Variants in KCNAB1 observed in about 807,000 individuals in gnomAD.
KCNAB1 encodes the protein potassium voltage-gated channel subfamily A regulatory beta subunit 1.
In KCNAB1, 35 loss-of-function variants were observed where a neutral mutation model predicts 64.6. The ratio of observed to expected loss-of-function variants is 0.54; its 90% confidence interval spans 0.41 to 0.72. The LOEUF (loss-of-function observed/expected upper bound fraction) is 0.72. KCNAB1 is among the 30% of genes least tolerant of loss of function. The pLI, the probability that KCNAB1 is intolerant of heterozygous loss-of-function variation, is 0.00. For missense variants in KCNAB1, 401 were observed against 512.9 expected, an observed-to-expected ratio of 0.78 and a Z score of 2.11; for synonymous variants, 177 against 183.8, an observed-to-expected ratio of 0.96 and a Z score of 0.30.
intron 1 of KCNAB1, among the ~76,000 whole-genome samples, chr3:156,218,786 C>CA (rs1228783831): frequency 1.7e-3 from 161 of 92,610 alleles, no homozygotes; most frequent in Middle Eastern, 0.011. Flanking sequence ...CCCAGAACAG[C>CA]AAAAAAAAAA....
chr3:156,395,571 A>C (rs960833666), intron 1 of KCNAB1, among the ~76,000 whole-genome samples: 3 of 140,018 alleles, frequency 2.1e-5, no homozygotes, highest in Non-Finnish European at 4.6e-5. Flanking sequence ...AAAAAAAAAA[A>C]AAAAAAAAAA....
At chr3:156,195,654 T>G (rs1291422911) in intron 1 of KCNAB1, among the ~76,000 whole-genome samples, 1 of 152,226 alleles carries the variant, frequency 6.6e-6, no homozygotes, top group Admixed American at 6.5e-5. Context: ...TTCTTGTAAA[T>G]TTGTTTAAGT....
intron 6 of KCNAB1, 75 bp from the exon 7 acceptor site, chr3:156,465,568 A>C (rs2108302362): frequency 1.5e-6 from 2 of 1,365,158 alleles, no homozygotes; most frequent in Non-Finnish European, 2.1e-6. Context: ...CAAAATTAGC[A>C]ATTCAGACCA....
chr3:156,333,327 CACACACACACACACAT>C (rs1050488811), intron 1 of KCNAB1, among the ~76,000 whole-genome samples: 6 of 146,548 alleles, frequency 4.1e-5, no homozygotes, highest in African/African-American at 1.0e-4. Flanking sequence ...GAAACACACA[CACACACACACACACAT>C]ACACACACAC....
intron 1 of KCNAB1, among the ~76,000 whole-genome samples, chr3:156,395,288 G>A (rs1713345073): frequency 6.7e-6 from 1 of 149,866 alleles, no homozygotes; most frequent in Non-Finnish European, 1.5e-5. Flanking sequence ...GCTCACGCCT[G>A]TAATCCCAGC....
At chr3:156,503,490 C>A (rs189519925) in intron 8 of KCNAB1, among the ~76,000 whole-genome samples, 3 of 152,188 alleles carry the variant, frequency 2.0e-5, no homozygotes, top group African/African-American at 7.2e-5. Flanking sequence ...ATCCCATAGC[C>A]TCCCCTTGTA....
intron 2 of KCNAB1, among the ~76,000 whole-genome samples, chr3:156,435,602 C>A (rs1716534648): frequency 6.6e-6 from 1 of 152,178 alleles, no homozygotes; most frequent in Non-Finnish European, 1.5e-5. Flanking sequence ...TGAACCACAT[C>A]ATCTAGCCAC....
In KCNAB1 at chr3:156,523,957, T is replaced by C. The variant is rs1320312371; in HGVS notation, c.1081+10T>C. The C allele has an allele frequency of 2.5e-6, 4 of 1,613,208 alleles. No homozygotes were observed. In the South Asian group the frequency reaches 3.3e-5, roughly 13 times the overall value. ...CCTCAGCTAGCTGTTGGTAAGAAAA[T>C]TACTAAGCTATGGGGTGGTAGAGGG... is the stretch of plus-strand genomic sequence containing the variant. On this transcript the variant is annotated intron_variant, in intron 12 of 13. Transcript: ENST00000490337.
chr3:156,291,774 C>A, intron 1 of KCNAB1: 1 of 1,505,150 alleles, frequency 6.6e-7, no homozygotes, highest in Admixed American at 2.1e-5. Context: ...GCCAGGACTC[C>A]TCTGACGGCA....
chr3:156,439,536 C>G (rs9289965), intron 2 of KCNAB1, among the ~76,000 whole-genome samples: 100,891 of 152,102 alleles, frequency 0.66, 33,768 homozygotes, highest in East Asian at 0.76. Context: ...ATCTCCATCT[C>G]ACTTTGACAC....
At chr3:156,472,978 C>T (rs1714043460) in intron 7 of KCNAB1, among the ~76,000 whole-genome samples, 2 of 152,166 alleles carry the variant, frequency 1.3e-5, no homozygotes, top group South Asian at 2.1e-4. Context: ...TACTCTCAGC[C>T]CACACTGAGC....
At chr3:156,219,772 G>T (rs1052387940) in intron 1 of KCNAB1, among the ~76,000 whole-genome samples, 1 of 151,350 alleles carries the variant, frequency 6.6e-6, no homozygotes, top group African/African-American at 2.4e-5. Flanking sequence ...CAACGTGCAG[G>T]TTTGTTATAT....
chr3:156,172,464 G>T (rs975181405), intron 1 of KCNAB1, among the ~76,000 whole-genome samples: 9 of 151,996 alleles, frequency 5.9e-5, no homozygotes, highest in Non-Finnish European at 5.9e-5. Flanking sequence ...ACTTTTTTTG[G>T]AGACAGGGTT....
At chr3:156,366,124 A>G (rs1230774607) in intron 1 of KCNAB1, among the ~76,000 whole-genome samples, 2 of 152,252 alleles carry the variant, frequency 1.3e-5, no homozygotes, top group Non-Finnish European at 2.9e-5. Flanking sequence ...TATGTGCAAT[A>G]TGAATGCAAT....
At chr3:156,172,454 A>G (rs1450788131) in intron 1 of KCNAB1, among the ~76,000 whole-genome samples, 1 of 151,946 alleles carries the variant, frequency 6.6e-6, no homozygotes, top group Non-Finnish European at 1.5e-5. Flanking sequence ...TAATTTTTGT[A>G]CTTTTTTTGG....
At chr3:156,199,255 CTCT>C (rs1393607729) in intron 1 of KCNAB1, among the ~76,000 whole-genome samples, 1 of 151,954 alleles carries the variant, frequency 6.6e-6, no homozygotes, top group Non-Finnish European at 1.5e-5. Context: ...TTAATGTTTT[CTCT>C]TCATTTCAAC....
At chr3:156,524,639 T>C (rs1718178887) in intron 12 of KCNAB1, among the ~76,000 whole-genome samples, 1 of 148,450 alleles carries the variant, frequency 6.7e-6, no homozygotes, top group Non-Finnish European at 1.5e-5. Flanking sequence ...CCCAGCTACT[T>C]GGGAGGCTGA....
At chr3:156,492,833 C>G (rs1211101866) in intron 8 of KCNAB1, among the ~76,000 whole-genome samples, 1 of 152,042 alleles carries the variant, frequency 6.6e-6, no homozygotes, top group Admixed American at 6.6e-5. Flanking sequence ...ACCAAGAGAG[C>G]AATACGTAAA....
chr3:156,233,989 A>T (rs115775396), intron 1 of KCNAB1, among the ~76,000 whole-genome samples: 2 of 151,858 alleles, frequency 1.3e-5, no homozygotes, highest in Non-Finnish European at 2.9e-5. Context: ...GCTGTTGGGT[A>T]TGTGATTCTA....
Sources: gnomAD v4.1 joint callset for allele counts (sites outside exome capture counted in the v4.1 genomes callset) on GRCh38, gnomAD v4.1.1 for gene constraint, MANE v1.5 for transcripts, NCBI Gene and HGNC (gene_info 2026-07-23, HGNC 2026-07-21) for gene names.